The following CSNK1G3 variants were observed in gnomAD, a reference collection of about 807,000 sequenced individuals.
CSNK1G3 encodes the protein casein kinase I isoform gamma-3.
CSNK1G3 carries 23 observed loss-of-function variants against 64.3 expected under a neutral mutation model. The observed-to-expected ratio is 0.36, with a 90% CI of 0.26 to 0.51. The LOEUF is 0.51. CSNK1G3 is among the 20% of genes least tolerant of loss of function. CSNK1G3 has a pLI of 0.96. For missense variants in CSNK1G3, 357 were observed against 510.5 expected (o/e 0.70, Z 2.90); for synonymous variants, 158 against 162.2 (o/e 0.97, Z 0.20).
At chr5:123,600,974 G>C (rs917394714) in intron 10 of CSNK1G3, among the ~76,000 whole-genome samples, 8 of 151,406 alleles carry the variant, frequency 5.3e-5, no homozygotes, top group Non-Finnish European at 1.2e-4. Context: ...ATGTCAGAGG[G>C]AATTTTTTTT....
chr5:123,548,034 G>T (rs1782886304), intron 2 of CSNK1G3, among the ~76,000 whole-genome samples: 1 of 152,068 alleles, frequency 6.6e-6, no homozygotes, highest in African/African-American at 2.4e-5. Context: ...GTTAGTATTG[G>T]CTAAGAAAGA....
intron 8 of CSNK1G3, among the ~76,000 whole-genome samples, chr5:123,588,852 G>A (rs1279728739): frequency 6.6e-6 from 1 of 152,138 alleles, no homozygotes; most frequent in Non-Finnish European, 1.5e-5. Flanking sequence ...GGGTCTCAAT[G>A]TCAAGTTCAA....
intron 10 of CSNK1G3, among the ~76,000 whole-genome samples, chr5:123,598,472 C>A (rs1305036336): frequency 1.3e-5 from 2 of 152,036 alleles, no homozygotes; most frequent in Non-Finnish European, 2.9e-5. Context: ...AAGCACCTAA[C>A]CTGGATGAGT....
intron 6 of CSNK1G3, among the ~76,000 whole-genome samples, chr5:123,580,851 A>G (rs1264915398): frequency 6.6e-6 from 1 of 151,914 alleles, no homozygotes; most frequent in South Asian, 2.1e-4. Flanking sequence ...TTATTCAAGA[A>G]TAAAAAAACT....
At chr5:123,533,213 G>C (rs983457473) in intron 1 of CSNK1G3, among the ~76,000 whole-genome samples, 1 of 151,736 alleles carries the variant, frequency 6.6e-6, no homozygotes, top group South Asian at 2.1e-4. Context: ...TTCTTGCCCC[G>C]TCCTTCCTTT....
At chr5:123,607,576 G>A (rs1795571959) in intron 12 of CSNK1G3, among the ~76,000 whole-genome samples, 1 of 152,178 alleles carries the variant, frequency 6.6e-6, no homozygotes, top group Admixed American at 6.6e-5. Context: ...AAAGATTAGT[G>A]ATTGCCCAGG....
At chr5:123,605,901 A>AT (rs1795290079) in intron 12 of CSNK1G3, among the ~76,000 whole-genome samples, 1 of 152,108 alleles carries the variant, frequency 6.6e-6, no homozygotes, top group Admixed American at 6.6e-5. Flanking sequence ...AATTGCAGAT[A>AT]TTATGGAAAG....
intron 12 of CSNK1G3, among the ~76,000 whole-genome samples, chr5:123,607,686 G>A (rs1326643697): frequency 4.6e-5 from 7 of 152,186 alleles, no homozygotes; most frequent in African/African-American, 1.4e-4. Flanking sequence ...AAAAGACACT[G>A]AATTATATAT....
chr5:123,529,418 G>T (rs939143505), intron 1 of CSNK1G3, among the ~76,000 whole-genome samples: 2 of 152,070 alleles, frequency 1.3e-5, no homozygotes, highest in Admixed American at 6.6e-5. Context: ...TTTTAAATCA[G>T]TATTAAAAAT....
chr5:123,598,279 C>T (rs542575056), intron 10 of CSNK1G3, among the ~76,000 whole-genome samples: 1 of 152,162 alleles, frequency 6.6e-6, no homozygotes, highest in African/African-American at 2.4e-5. Context: ...GTTTCTTGGC[C>T]ATTCATTACT....
chr5:123,582,393 C>CT (rs2150852584), intron 6 of CSNK1G3, among the ~76,000 whole-genome samples: 1 of 152,192 alleles, frequency 6.6e-6, no homozygotes, highest in East Asian at 1.9e-4. Flanking sequence ...CTGAGCTTTA[C>CT]TTTCCTTATT....
chr5:123,514,131 C>G (rs1303185767), intron 1 of CSNK1G3, among the ~76,000 whole-genome samples: 1 of 152,120 alleles, frequency 6.6e-6, no homozygotes, highest in Non-Finnish European at 1.5e-5. Flanking sequence ...ACTGGCATTT[C>G]TGAATATGCA....
intron 1 of CSNK1G3, among the ~76,000 whole-genome samples, chr5:123,519,855 CTCTT>C (rs1447351008): frequency 1.3e-5 from 2 of 152,178 alleles, no homozygotes; most frequent in African/African-American, 4.8e-5. Context: ...TAGTGGAGTG[CTCTT>C]TCTGAGTAAG....
intron 2 of CSNK1G3, among the ~76,000 whole-genome samples, chr5:123,549,894 A>G (rs1561499863): frequency 6.6e-6 from 1 of 152,234 alleles, no homozygotes; most frequent in African/African-American, 2.4e-5. Flanking sequence ...TTTTGACATA[A>G]TTAAGTATGC....
intron 12 of CSNK1G3, among the ~76,000 whole-genome samples, chr5:123,607,136 G>C (rs1052012923): frequency 3.3e-5 from 5 of 152,044 alleles, no homozygotes; most frequent in South Asian, 4.2e-4. Flanking sequence ...CTATAGGAAG[G>C]GTTCTCCATT....
chr5:123,566,594 T>A (rs1285190908), intron 4 of CSNK1G3, among the ~76,000 whole-genome samples: 1 of 152,220 alleles, frequency 6.6e-6, no homozygotes, highest in East Asian at 1.9e-4. Flanking sequence ...GGTTTTGGTT[T>A]GTTTTTGCTT....
chr5:123,588,183 T>A, intron 7 of CSNK1G3, 30 bp downstream of exon 7: 1 of 1,447,602 alleles, frequency 6.9e-7, no homozygotes, highest in Non-Finnish European at 9.7e-7. Flanking sequence ...TTTATTGAAT[T>A]TCATAAAATA....
At chr5:123,528,320 T>C (rs1376047618) in intron 1 of CSNK1G3, among the ~76,000 whole-genome samples, 1 of 152,138 alleles carries the variant, frequency 6.6e-6, no homozygotes, top group Non-Finnish European at 1.5e-5. Context: ...ACTTTCTCTT[T>C]CCTCTTCTAT....
At chr5:123,561,365 A>G (rs1235175794) in intron 4 of CSNK1G3, among the ~76,000 whole-genome samples, 2 of 152,228 alleles carry the variant, frequency 1.3e-5, no homozygotes, top group African/African-American at 4.8e-5. Context: ...AGAGGTTGAC[A>G]AGAAAAGAAT....
Sources: gnomAD v4.1 joint callset for allele counts (sites outside exome capture counted in the v4.1 genomes callset) on GRCh38, gnomAD v4.1.1 for gene constraint, MANE v1.5 for transcripts, NCBI Gene and HGNC (gene_info 2026-07-23, HGNC 2026-07-21) for gene names.